Variants in ALDH1A2 observed in about 807,000 individuals in gnomAD.
ALDH1A2 encodes the protein aldehyde dehydrogenase 1 family member A2.
Under a neutral mutation model 60.3 loss-of-function variants are expected in ALDH1A2, and 27 were observed. The observed-to-expected ratio is 0.45, with a 90% CI of 0.33 to 0.62. ALDH1A2 has a LOEUF of 0.62. Ranked by LOEUF, ALDH1A2 falls within the 20% of genes least tolerant of loss-of-function variation. The pLI, the probability that ALDH1A2 is intolerant of heterozygous loss-of-function variation, is 0.02. For missense variants in ALDH1A2, 581 were observed against 643.8 expected, an observed-to-expected ratio of 0.90 and a Z score of 1.06; for synonymous variants, 289 against 232.4, an observed-to-expected ratio of 1.24 and a Z score of -2.21.
intron 1 of ALDH1A2, among the ~76,000 whole-genome samples, chr15:58,047,907 T>C (rs1896674554): frequency 1.3e-5 from 2 of 152,070 alleles, no homozygotes; most frequent in African/African-American, 4.8e-5. Flanking sequence ...GTCAATGTTT[T>C]GATATTATAG....
chr15:57,958,087 G>T (rs1338538613), intron 12 of ALDH1A2, among the ~76,000 whole-genome samples: 2 of 152,198 alleles, frequency 1.3e-5, no homozygotes, highest in Non-Finnish European at 2.9e-5. Context: ...TAAAAACGCA[G>T]TTCCTGGGTC....
At chr15:58,009,523 A>G (rs1348183800) in intron 4 of ALDH1A2, among the ~76,000 whole-genome samples, 1 of 151,390 alleles carries the variant, frequency 6.6e-6, no homozygotes, top group African/African-American at 2.4e-5. Context: ...TGCACTCTCC[A>G]TGGAAAGCAG....
intron 3 of ALDH1A2, among the ~76,000 whole-genome samples, chr15:58,011,442 C>T (rs537041199): frequency 2.6e-5 from 4 of 152,226 alleles, no homozygotes; most frequent in East Asian, 3.9e-4. Context: ...GTTATTTTAA[C>T]GACATGTTCC....
At chr15:57,973,648 T>C (rs1277843278) in intron 7 of ALDH1A2, among the ~76,000 whole-genome samples, 3 of 152,314 alleles carry the variant, frequency 2.0e-5, no homozygotes, top group South Asian at 4.1e-4. Context: ...ACTACTAATA[T>C]GGAAATTACA....
intron 1 of ALDH1A2, among the ~76,000 whole-genome samples, chr15:58,028,018 G>T (rs1223165918): frequency 6.6e-6 from 1 of 152,128 alleles, no homozygotes; most frequent in Non-Finnish European, 1.5e-5. Flanking sequence ...AGCAAGGCAG[G>T]CCAGCATTCA....
chr15:57,986,626 T>A (rs1894712558), intron 7 of ALDH1A2, among the ~76,000 whole-genome samples: 1 of 145,022 alleles, frequency 6.9e-6, no homozygotes, highest in South Asian at 2.2e-4. Context: ...CCAGTCAAAT[T>A]CAGAGACGAC....
chr15:57,977,888 A>G (rs1231316668), intron 7 of ALDH1A2, among the ~76,000 whole-genome samples: 1 of 152,204 alleles, frequency 6.6e-6, no homozygotes, highest in Non-Finnish European at 1.5e-5. Context: ...AGTGGTTTAT[A>G]GTTCTCCTTG....
At chr15:58,002,754 G>A (rs984240323) in intron 4 of ALDH1A2, among the ~76,000 whole-genome samples, 4 of 151,926 alleles carry the variant, frequency 2.6e-5, no homozygotes, top group Admixed American at 2.0e-4. Context: ...GTGAATGAAG[G>A]TCATCTTCCA....
intron 4 of ALDH1A2, among the ~76,000 whole-genome samples, chr15:58,006,565 A>AC (rs1895465529): frequency 6.6e-6 from 1 of 151,936 alleles, no homozygotes; most frequent in South Asian, 2.1e-4. Flanking sequence ...TGGTAGTGCC[A>AC]CTTTTAGTTC....
intron 4 of ALDH1A2, among the ~76,000 whole-genome samples, chr15:58,010,339 T>C (rs979103413): frequency 2.0e-5 from 3 of 152,126 alleles, no homozygotes; most frequent in African/African-American, 7.2e-5. Context: ...CACCCAATAA[T>C]GCCCCTTCAT....
intron 12 of ALDH1A2, 87 bp from the exon 13 acceptor site, chr15:57,955,356 T>C: frequency 7.3e-7 from 1 of 1,376,298 alleles, no homozygotes; most frequent in South Asian, 1.2e-5. Flanking sequence ...AGGTGCAGTT[T>C]ATCACCTGCG....
At position 58,021,087 on chromosome 15, in the gene ALDH1A2, T is replaced by G. The variant is rs143633025; in HGVS notation, c.118-6806A>C. Among the ~76,000 whole-genome samples, 329 of 152,338 alleles carry G rather than the reference T, an allele frequency of 2.2e-3. 2 individuals carry two copies. The highest frequency in any genetic ancestry group is 3.6e-3 in the Non-Finnish European group (244 of 68,028). On this transcript the variant is annotated intron_variant, in intron 1 of 12. Coordinates refer to ENST00000249750, the MANE Select transcript of ALDH1A2 (RefSeq NM_003888.4). ...TTCTCCAGTATTTGTCTCATTTATC[T>G]TTTCCTGTCTTTCTGCTCTCAACTA...
At chr15:58,026,327 A>G (rs1270039930) in intron 1 of ALDH1A2, among the ~76,000 whole-genome samples, 1 of 152,196 alleles carries the variant, frequency 6.6e-6, no homozygotes, top group Non-Finnish European at 1.5e-5. Flanking sequence ...GAAGGACCAA[A>G]ACCATATAAT....
intron 1 of ALDH1A2, among the ~76,000 whole-genome samples, chr15:58,062,817 A>G (rs1897077082): frequency 6.6e-6 from 1 of 152,248 alleles, no homozygotes. Flanking sequence ...TTGGTATAAT[A>G]TGGATACTAG....
chr15:58,065,327 G>A, intron 1 of ALDH1A2: 5 of 621,388 alleles, frequency 8.0e-6, no homozygotes, highest in South Asian at 5.3e-5. Flanking sequence ...GTTGGGTTAA[G>A]TCCCCAAGGC....
intron 4 of ALDH1A2, among the ~76,000 whole-genome samples, chr15:57,997,374 T>C (rs549268903): frequency 1.3e-5 from 2 of 152,176 alleles, no homozygotes; most frequent in East Asian, 3.9e-4. Flanking sequence ...GAAAATCTTC[T>C]GCAACTGAAC....
At chr15:58,006,475 T>C (rs868711049) in intron 4 of ALDH1A2, among the ~76,000 whole-genome samples, 2 of 152,106 alleles carry the variant, frequency 1.3e-5, no homozygotes, top group African/African-American at 2.4e-5. Context: ...GCTATAGACA[T>C]GCATGTGCAT....
At position 58,015,227 on chromosome 15, in the gene ALDH1A2, G is replaced by A. The variant is rs151116668; in HGVS notation, c.118-946C>T. 3.9e-4 allele frequency among the ~76,000 whole-genome samples: 60 copies of A among 152,228 alleles called. 1 individual carries two copies. Among genetic ancestry groups the A allele is most frequent in the Non-Finnish European group, 7.5e-4 (51 of 68,010 alleles). On this transcript the variant is annotated intron_variant, in intron 1 of 12. Transcript: ENST00000249750. ...TCATCTAATTTAGGACAAAAACAAT[G>A]ATAATTATTTAGTGCCTGCCATTTA...
At chr15:58,009,819 T>G (rs1026997702) in intron 4 of ALDH1A2, among the ~76,000 whole-genome samples, 5 of 152,240 alleles carry the variant, frequency 3.3e-5, no homozygotes, top group East Asian at 1.9e-4. Flanking sequence ...CTTTCCACTT[T>G]TGTAAACTGA....
Sources: allele counts gnomAD v4.1 joint callset (sites outside exome capture counted in the v4.1 genomes callset), GRCh38; gene constraint gnomAD v4.1.1; transcripts MANE v1.5; gene names NCBI Gene and HGNC (gene_info 2026-07-23, HGNC 2026-07-21).